The following PPIP5K2 variants were observed in gnomAD, a reference collection of about 807,000 sequenced individuals.
PPIP5K2 encodes diphosphoinositol pentakisphosphate kinase 2, also known as inositol hexakisphosphate and diphosphoinositol-pentakisphosphate kinase 2.
Under a neutral mutation model 154.6 loss-of-function variants are expected in PPIP5K2, and 105 were observed. The observed-to-expected ratio is 0.68, with a 90% confidence interval of 0.58 to 0.80. The LOEUF is 0.80. PPIP5K2 is among the 30% of genes least tolerant of loss of function. The pLI, the probability that PPIP5K2 is intolerant of heterozygous loss-of-function variation, is 0.00. For missense variants in PPIP5K2, 992 were observed against 1,504.6 expected (o/e 0.66, Z 5.64); for synonymous variants, 480 against 490.3 (o/e 0.98, Z 0.28).
At chr5:103,176,903 A>G in intron 21 of PPIP5K2, 1 of 1,451,584 alleles carries the variant, frequency 6.9e-7, no homozygotes, top group Non-Finnish European at 9.3e-7. Flanking sequence ...GGAATGGTGA[A>G]GGAGATGGTA....
chr5:103,163,386 T>C (rs2149646051), intron 17 of PPIP5K2, among the ~76,000 whole-genome samples: 1 of 152,050 alleles, frequency 6.6e-6, no homozygotes, highest in East Asian at 1.9e-4. Flanking sequence ...AGTTTTATTC[T>C]CTGTTGTTGC....
chr5:103,142,313 G>C (rs538887093), intron 5 of PPIP5K2, among the ~76,000 whole-genome samples: 1 of 152,312 alleles, frequency 6.6e-6, no homozygotes, highest in Non-Finnish European at 1.5e-5. Context: ...CAGGCTGGCC[G>C]GCTGCTCCGA....
At chr5:103,177,590 G>T in intron 21 of PPIP5K2, 77 bp from the exon 22 acceptor site, 1 of 929,414 alleles carries the variant, frequency 1.1e-6, no homozygotes, top group Non-Finnish European at 1.6e-6. Flanking sequence ...GATTAAACAA[G>T]CTACCATAGT....
chr5:103,148,180 T>A (rs781996325), intron 7 of PPIP5K2, 148 bp downstream of exon 7: 5 of 700,546 alleles, frequency 7.1e-6, no homozygotes, highest in Non-Finnish European at 1.3e-5. Flanking sequence ...AACAACAACA[T>A]CTTTAGCAGT....
At chr5:103,158,041 C>A in intron 14 of PPIP5K2, 147 bp from the exon 15 acceptor site, 1 of 809,354 alleles carries the variant, frequency 1.2e-6, no homozygotes, top group Non-Finnish European at 1.9e-6. Context: ...CATTAAGGAA[C>A]ATACATGCAA....
chr5:103,149,029 T>A, intron 7 of PPIP5K2, 123 bp from the exon 8 acceptor site: 1 of 757,000 alleles, frequency 1.3e-6, no homozygotes, highest in Non-Finnish European at 1.9e-6. Context: ...GAAAGATGTG[T>A]CTACTAGCCT....
chr5:103,133,873 T>C (rs1791045734), intron 3 of PPIP5K2, among the ~76,000 whole-genome samples: 1 of 152,158 alleles, frequency 6.6e-6, no homozygotes, highest in South Asian at 2.1e-4. Context: ...TTAACCTTTT[T>C]CACTATTATA....
chr5:103,162,813 T>G (rs1396933145), intron 17 of PPIP5K2, among the ~76,000 whole-genome samples: 1 of 152,174 alleles, frequency 6.6e-6, no homozygotes, highest in Non-Finnish European at 1.5e-5. Context: ...ATAAACTTAC[T>G]GTTTTGCTCT....
At position 103,210,743 on chromosome 5, in the gene PPIP5K2, A is replaced by C. The variant is rs2149895785; in HGVS notation, c.*9109A>C. ...CTCTTTTGAGGAATTTACTTGGTTA[A>C]TACAGTTAATAGTATAATACTTATA... On this transcript the variant is annotated 3_prime_UTR_variant, in exon 31 of 31. Transcript: ENST00000358359. The C allele has an allele frequency of 6.6e-6, 1 of 152,236 alleles. No homozygotes were observed. Among genetic ancestry groups the C allele is most frequent in the Admixed American group, 6.5e-5 (1 of 15,288 alleles). 9.4% of individuals were successfully genotyped at this position (152,236 alleles called of 1,614,324 possible). A position where few individuals can be genotyped will look rare whatever the true frequency, so the allele number is the denominator to read the frequency against.
intron 17 of PPIP5K2, among the ~76,000 whole-genome samples, chr5:103,162,350 C>CTTT (rs200973581): frequency 2.9e-5 from 4 of 138,554 alleles, no homozygotes; most frequent in Non-Finnish European, 6.3e-5. Context: ...GATGTGTTTT[C>CTTT]TTTTTTTTTT....
intron 14 of PPIP5K2, among the ~76,000 whole-genome samples, chr5:103,156,794 ACC>A (rs1317540788): frequency 1.1e-4 from 16 of 152,144 alleles, no homozygotes; most frequent in African/African-American, 3.9e-4. Flanking sequence ...TCAGGATCTA[ACC>A]CAAAGAAGTA....
At position 103,212,199 on chromosome 5, in the gene PPIP5K2, C is replaced by G. The variant is rs1346575356; in HGVS notation, c.*10565C>G. On this transcript the variant is annotated 3_prime_UTR_variant, in exon 31 of 31. Coordinates refer to ENST00000358359, the MANE Select transcript of PPIP5K2 (RefSeq NM_001276277.3). ...CTTGACTGGACCACAAATATAAAAT[C>G]TCATGCCCTCTCATTATCTTGATAA... The G allele has an allele frequency of 6.6e-6, 1 of 152,168 alleles. No homozygotes were observed. The highest frequency in any genetic ancestry group is 1.5e-5 in the Non-Finnish European group (1 of 67,972). The allele number at this position is 152,168 out of a possible 1,614,324, so 9.4% of individuals were successfully genotyped here.
chr5:103,123,133 A>G (rs1405450343), intron 1 of PPIP5K2, among the ~76,000 whole-genome samples: 2 of 152,240 alleles, frequency 1.3e-5, no homozygotes, highest in African/African-American at 4.8e-5. Context: ...GAAAACTGTC[A>G]TAACAACATT....
intron 1 of PPIP5K2, among the ~76,000 whole-genome samples, chr5:103,126,888 T>C (rs1789781271): frequency 6.6e-6 from 1 of 152,026 alleles, no homozygotes. Flanking sequence ...CCCTCACAGA[T>C]ACACCCATGA....
chr5:103,132,220 T>C (rs1372601062), intron 2 of PPIP5K2, among the ~76,000 whole-genome samples: 2 of 152,102 alleles, frequency 1.3e-5, no homozygotes, highest in Non-Finnish European at 2.9e-5. Context: ...GAGGAGACAA[T>C]ACAGAAATAC....
rs1554232262 is a variant in PPIP5K2 at position 103,206,634 on chromosome 5, T to G, written c.*5000T>G. 1 of 152,198 alleles carries G rather than the reference T, an allele frequency of 6.6e-6. No individual in the cohort carries two copies. The highest frequency in any genetic ancestry group is 1.5e-5 in the Non-Finnish European group (1 of 68,032). The allele number at this position is 152,198 out of a possible 1,614,324, so 9.4% of individuals were successfully genotyped here. A position where few individuals can be genotyped will look rare whatever the true frequency, so the allele number is the denominator to read the frequency against. On this transcript the variant is annotated 3_prime_UTR_variant, in exon 31 of 31. Coordinates refer to ENST00000358359, the MANE Select transcript of PPIP5K2 (RefSeq NM_001276277.3). ...GATCTCTGTACCTAGCTGTGAAGTG[T>G]TGAGAGTCAGTTAAGGTAAGTAGCT...
intron 9 of PPIP5K2, among the ~76,000 whole-genome samples, chr5:103,151,769 A>C (rs146631701): frequency 6.6e-6 from 1 of 151,972 alleles, no homozygotes; most frequent in East Asian, 1.9e-4. Context: ...AGAATTCATG[A>C]CTCTTTTGCA....
Position 103,182,088 on chromosome 5 carries a change from G to A in PPIP5K2, c.2923-1146G>A, listed in dbSNP as rs1799634605. On this transcript the variant is annotated intron_variant, in intron 24 of 30. Coordinates refer to ENST00000358359, the MANE Select transcript of PPIP5K2 (RefSeq NM_001276277.3). Reference sequence around the variant, plus strand: ...TAATTTCAGAAAATTTGGGAAATAAGCTATATTAATTAATATAACCTACAC... The same window carrying A: ...TAATTTCAGAAAATTTGGGAAATAAACTATATTAATTAATATAACCTACAC... Among the ~76,000 whole-genome samples the A allele has an allele frequency of 1.3e-5, 2 of 152,108 alleles. 1 individual carries two copies. Among genetic ancestry groups the A allele is most frequent in the South Asian group, 4.1e-4 (2 of 4,830 alleles).
intron 28 of PPIP5K2, among the ~76,000 whole-genome samples, chr5:103,189,515 G>A (rs1800899858): frequency 6.6e-6 from 1 of 152,098 alleles, no homozygotes; most frequent in Non-Finnish European, 1.5e-5. Context: ...CATGAATCTT[G>A]TACTTCTAAA....
Sources: gnomAD v4.1 joint callset for allele counts (sites outside exome capture counted in the v4.1 genomes callset) on GRCh38, gnomAD v4.1.1 for gene constraint, MANE v1.5 for transcripts, NCBI Gene and HGNC (gene_info 2026-07-23, HGNC 2026-07-21) for gene names.